Variants in CAMTA1 observed in about 807,000 individuals in gnomAD.
CAMTA1 encodes calmodulin-binding transcription activator 1.
A neutral mutation model predicts 170.9 loss-of-function variants in CAMTA1; 27 were observed. That is an observed-to-expected ratio of 0.16 (90% CI 0.12 to 0.22). The LOEUF is 0.22. Ranked by LOEUF, CAMTA1 falls within the 10% of genes least tolerant of loss-of-function variation. The pLI is 1.00. For missense variants in CAMTA1, 1,619 were observed against 2,217.2 expected, an observed-to-expected ratio of 0.73 and a Z score of 5.42; for synonymous variants, 833 against 891.5, an observed-to-expected ratio of 0.93 and a Z score of 1.17.
At position 7,681,169 on chromosome 1, in the gene CAMTA1, G is replaced by A. The variant is rs1233426139; in HGVS notation, c.2914+3436G>A. Among the ~76,000 whole-genome samples, 3 of 152,166 alleles carry A rather than the reference G, an allele frequency of 2.0e-5. No homozygotes were observed. The highest frequency in any genetic ancestry group is 7.2e-5 in the African/African-American group (3 of 41,450). ...TCCCTTCCCCTGCGCCCCACTGTGA[G>A]CTCCAGGGTCAAAGGCCCTGTCTGC... On this transcript the variant is annotated intron_variant, in intron 11 of 22. Transcript: ENST00000303635. The surrounding 1 kb of genome is among the most constrained non-coding windows in gnomAD (Gnocchi z 4.6).
intron 6 of CAMTA1, among the ~76,000 whole-genome samples, chr1:7,587,979 C>T (rs1292130716): frequency 6.6e-6 from 1 of 152,140 alleles, no homozygotes; most frequent in African/African-American, 2.4e-5. Context: ...TCTGGGAGAA[C>T]AGGTCCTTGA....
intron 5 of CAMTA1, among the ~76,000 whole-genome samples, chr1:7,447,706 C>T (rs1007031869): frequency 6.6e-6 from 1 of 152,074 alleles, no homozygotes; most frequent in Non-Finnish European, 1.5e-5. Context: ...TCTCGTCCAC[C>T]CGAGTGCTTT....
intron 3 of CAMTA1, among the ~76,000 whole-genome samples, chr1:7,006,668 C>G (rs1699043964): frequency 6.6e-6 from 1 of 152,190 alleles, no homozygotes; most frequent in South Asian, 2.1e-4. Flanking sequence ...CCTGGGGCAC[C>G]TATTAGCTGT....
At chr1:7,083,427 T>C (rs557702680) in intron 3 of CAMTA1, among the ~76,000 whole-genome samples, 42 of 152,320 alleles carry the variant, frequency 2.8e-4, no homozygotes, top group African/African-American at 9.1e-4. Context: ...GGGATGTTGG[T>C]TTAGACCTGT....
At chr1:7,021,787 ATATT>A (rs919720943) in intron 3 of CAMTA1, among the ~76,000 whole-genome samples, 1 of 152,202 alleles carries the variant, frequency 6.6e-6, no homozygotes, top group Non-Finnish European at 1.5e-5. Flanking sequence ...ATGTTTTTGA[ATATT>A]TAACTTTTAG....
Position 7,248,454 on chromosome 1 carries a change from C to G in CAMTA1, c.303-1037C>G, listed in dbSNP as rs1327411858. Among the ~76,000 whole-genome samples the G allele has an allele frequency of 6.6e-6, 1 of 152,214 alleles. No individual in the cohort carries two copies. The highest frequency in any genetic ancestry group is 1.5e-5 in the Non-Finnish European group (1 of 68,040). On this transcript the variant is annotated intron_variant, in intron 4 of 22. Coordinates refer to ENST00000303635, the MANE Select transcript of CAMTA1 (RefSeq NM_015215.4). This position sits in a 1 kb window ranked among gnomAD's most constrained non-coding sequence, Gnocchi z 4.0. ...GTGGTGCGCAGAATCGCTGGCATTC[C>G]TCTTCCCCTGCTGCACGTTCAGGTG...
At chr1:7,391,890 A>G (rs1421536436) in intron 5 of CAMTA1, among the ~76,000 whole-genome samples, 1 of 152,138 alleles carries the variant, frequency 6.6e-6, no homozygotes, top group Non-Finnish European at 1.5e-5. Flanking sequence ...GATATACAGC[A>G]ATTTGTTTAA....
chr1:7,043,810 C>T (rs182751532), intron 3 of CAMTA1, among the ~76,000 whole-genome samples: 4 of 152,328 alleles, frequency 2.6e-5, no homozygotes, highest in Admixed American at 2.6e-4. Context: ...TACTCGGGCC[C>T]TCAGGCTAGA....
chr1:7,649,038 C>A (rs927584993), intron 7 of CAMTA1, among the ~76,000 whole-genome samples: 2 of 152,234 alleles, frequency 1.3e-5, no homozygotes, highest in African/African-American at 4.8e-5. Context: ...CCAGAGGAAG[C>A]CAGTCCCCAG....
chr1:7,457,583 A>G (rs767002698), intron 5 of CAMTA1, among the ~76,000 whole-genome samples: 18 of 152,026 alleles, frequency 1.2e-4, no homozygotes, highest in Non-Finnish European at 2.2e-4. Flanking sequence ...TGGAGCACAC[A>G]CTGTTCTCCG....
At chr1:6,796,065 A>G (rs1164743463) in intron 1 of CAMTA1, among the ~76,000 whole-genome samples, 1 of 151,940 alleles carries the variant, frequency 6.6e-6, no homozygotes, top group African/African-American at 2.4e-5. Flanking sequence ...ATATTGACAC[A>G]ATATTTTTGT....
intron 6 of CAMTA1, among the ~76,000 whole-genome samples, chr1:7,568,497 C>T (rs761050377): frequency 6.0e-5 from 9 of 151,092 alleles, no homozygotes; most frequent in Non-Finnish European, 8.8e-5. Context: ...CCATCATCAT[C>T]ACCACATCAC....
chr1:7,430,739 A>C (rs2092119553), intron 5 of CAMTA1, among the ~76,000 whole-genome samples: 1 of 152,200 alleles, frequency 6.6e-6, no homozygotes, highest in Non-Finnish European at 1.5e-5. Context: ...ACCCACAGGG[A>C]AGCCTGCTGG....
intron 7 of CAMTA1, among the ~76,000 whole-genome samples, chr1:7,646,481 G>A (rs1181494000): frequency 6.7e-6 from 1 of 148,324 alleles, no homozygotes; most frequent in African/African-American, 2.5e-5. Flanking sequence ...GAGGGTGGAG[G>A]CCATGGTGAC....
chr1:7,677,723 G>C lies in CAMTA1; in HGVS notation c.2904G>C (p.Leu968=). 1.2e-6 allele frequency: 2 copies of C among 1,613,778 alleles called. No individual in the cohort carries two copies. The highest frequency in any genetic ancestry group is 1.7e-6 in the Non-Finnish European group (2 of 1,179,854). ...TCCCTTCCTCCCAGCACGACTGGCT[G>C]TCGTTGGACGGTAAGAACAGTGCTT... ...PTLPSSQHDW[L]SLDDNQFRMS... The change falls in exon 11 of 23, where the codon CTG becomes CTC. Residue 968 remains leucine (L), a synonymous_variant. Coordinates refer to ENST00000303635, the MANE Select transcript of CAMTA1 (RefSeq NM_015215.4).
intron 6 of CAMTA1, among the ~76,000 whole-genome samples, chr1:7,493,342 CACACAA>C (rs1423565214): frequency 6.7e-6 from 1 of 148,678 alleles, no homozygotes; most frequent in Non-Finnish European, 1.5e-5. Context: ...CACACATGCA[CACACAA>C]ACACAAACAT....
At chr1:7,604,412 C>T (rs1215229883) in intron 6 of CAMTA1, among the ~76,000 whole-genome samples, 3 of 152,126 alleles carry the variant, frequency 2.0e-5, no homozygotes. Flanking sequence ...CTTCTTTTCT[C>T]GCTTCATTTC....
chr1:7,167,248 A>G (rs1283616861), intron 4 of CAMTA1, among the ~76,000 whole-genome samples: 1 of 152,148 alleles, frequency 6.6e-6, no homozygotes, highest in Admixed American at 6.5e-5. Flanking sequence ...GTTTTAATCT[A>G]TCTAAAATTC....
chr1:7,538,479 G>C (rs1238374095), intron 6 of CAMTA1, among the ~76,000 whole-genome samples: 1 of 152,134 alleles, frequency 6.6e-6, no homozygotes, highest in African/African-American at 2.4e-5. Flanking sequence ...AGGAGACTTC[G>C]TCTCTACTAA....
Sources: gnomAD v4.1 joint callset for allele counts (sites outside exome capture counted in the v4.1 genomes callset) on GRCh38, gnomAD v4.1.1 for gene constraint, Gnocchi (gnomAD v3.1) non-coding constraint, MANE v1.5 for transcripts, NCBI Gene and HGNC (gene_info 2026-07-23, HGNC 2026-07-21) for gene names.